TMEM108: variants seen among roughly 807,000 people sequenced by gnomAD.
The protein encoded by TMEM108 is transmembrane protein 108.
Under a neutral mutation model 35.1 loss-of-function variants are expected in TMEM108, and 12 were observed. The ratio of observed to expected loss-of-function variants is 0.34; its 90% CI spans 0.22 to 0.55. The LOEUF is 0.55. Ranked by LOEUF, TMEM108 falls within the 20% of genes least tolerant of loss-of-function variation. The pLI, the probability that TMEM108 is intolerant of heterozygous loss-of-function variation, is 0.89. For missense variants in TMEM108, 680 were observed against 753.3 expected (o/e 0.90, Z 1.14); for synonymous variants, 287 against 308.6 (o/e 0.93, Z 0.73).
At chr3:133,175,968 T>C (rs1183739093) in intron 2 of TMEM108, among the ~76,000 whole-genome samples, 3 of 152,052 alleles carry the variant, frequency 2.0e-5, no homozygotes, top group Non-Finnish European at 4.4e-5. Context: ...AATAAAGGGA[T>C]GGAGGAAGAT....
intron 2 of TMEM108, among the ~76,000 whole-genome samples, chr3:133,193,515 G>A (rs772625585): frequency 2.6e-5 from 4 of 152,116 alleles, no homozygotes; most frequent in Non-Finnish European, 4.4e-5. Flanking sequence ...TCATGGCTCT[G>A]CTTTATGACC....
Position 133,243,575 on chromosome 3 carries a change from G to C in TMEM108, c.40+14224G>C, listed in dbSNP as rs9832815. Among the ~76,000 whole-genome samples the C allele has an allele frequency of 2.7e-3, 414 of 152,012 alleles. 1 individual carries two copies. The highest frequency in any genetic ancestry group is 9.8e-3 in the South Asian group (47 of 4,796). On this transcript the variant is annotated intron_variant, in intron 3 of 5. Transcript: ENST00000321871. ...TCGTTCTGTCACCCAGGCTGGAGTA[G>C]AGTGGCGCGATCTCGGCTCACTGCA...
rs142633482 is a variant in TMEM108, at chr3:133,098,638, G to A, written c.-47+52618G>A. Among the ~76,000 whole-genome samples the A allele has an allele frequency of 2.7e-4, 41 of 152,316 alleles. No individual in the cohort carries two copies. In the East Asian group the frequency reaches 7.9e-3, roughly 29 times the overall value. On this transcript the variant is annotated intron_variant, in intron 2 of 5. Transcript: ENST00000321871. The stretch of plus-strand genomic sequence containing the variant: ...ACTTCCTAGATACAATGGGGGTACA[G>A]GTATTGGGTAAATATAGCCATTCCA...
At chr3:133,354,261 T>C (rs2072094331) in intron 3 of TMEM108, among the ~76,000 whole-genome samples, 1 of 152,204 alleles carries the variant, frequency 6.6e-6, no homozygotes, top group Non-Finnish European at 1.5e-5. Flanking sequence ...GAGAGCACGA[T>C]ATACACCACA....
chr3:133,181,243 C>T (rs979380643), intron 2 of TMEM108, among the ~76,000 whole-genome samples: 1 of 152,072 alleles, frequency 6.6e-6, no homozygotes, highest in Non-Finnish European at 1.5e-5. Flanking sequence ...ATCTATGAAC[C>T]ATCATCCTGT....
chr3:133,151,814 C>G (rs941463970), intron 2 of TMEM108, among the ~76,000 whole-genome samples: 3 of 152,062 alleles, frequency 2.0e-5, no homozygotes, highest in Non-Finnish European at 4.4e-5. Flanking sequence ...TATCTTGTCA[C>G]TTTAAATTAA....
chr3:133,282,549 C>T (rs922602480), intron 3 of TMEM108, among the ~76,000 whole-genome samples: 1 of 152,196 alleles, frequency 6.6e-6, no homozygotes, highest in Admixed American at 6.5e-5. Context: ...TTCAGCTTGT[C>T]ATTTTAATTC....
chr3:133,187,056 A>G (rs1040289913), intron 2 of TMEM108, among the ~76,000 whole-genome samples: 15 of 152,174 alleles, frequency 9.9e-5, no homozygotes, highest in African/African-American at 3.4e-4. Flanking sequence ...TAAGCCCTTC[A>G]CAGTTGTAAC....
At chr3:133,146,997 T>C (rs1345440348) in intron 2 of TMEM108, among the ~76,000 whole-genome samples, 1 of 152,186 alleles carries the variant, frequency 6.6e-6, no homozygotes, top group Non-Finnish European at 1.5e-5. Context: ...TCTTGTCTTC[T>C]GCTAGCATTT....
At chr3:133,169,923 G>A (rs1945104364) in intron 2 of TMEM108, among the ~76,000 whole-genome samples, 2 of 152,200 alleles carry the variant, frequency 1.3e-5, no homozygotes, top group African/African-American at 4.8e-5. Flanking sequence ...CAGCGCAGAT[G>A]CACTGGAAAC....
intron 2 of TMEM108, among the ~76,000 whole-genome samples, chr3:133,204,044 T>A (rs1945713331): frequency 6.6e-6 from 1 of 152,178 alleles, no homozygotes; most frequent in Non-Finnish European, 1.5e-5. Context: ...TGGCCAGGAA[T>A]GTATCCATTC....
Position 133,292,609 on chromosome 3 carries a change from C to T in TMEM108, c.40+63258C>T, listed in dbSNP as rs150399196. Among the ~76,000 whole-genome samples, 72 of 152,284 alleles carry T rather than the reference C, an allele frequency of 4.7e-4. No homozygotes were observed. In the East Asian group the frequency reaches 9.3e-3, roughly 20 times the overall value. ...GTGTTCTGCAATTAGGTGGTAGGCA[C>T]GTGTGGTTTTGTTTCAGAGCCTGCC... On this transcript the variant is annotated intron_variant, in intron 3 of 5. Coordinates refer to ENST00000321871, the MANE Select transcript of TMEM108 (RefSeq NM_023943.4).
At chr3:133,163,186 A>T (rs1221407605) in intron 2 of TMEM108, among the ~76,000 whole-genome samples, 1 of 152,174 alleles carries the variant, frequency 6.6e-6, no homozygotes, top group Non-Finnish European at 1.5e-5. Context: ...CTCAGAAAGC[A>T]GAGGACAGGT....
chr3:133,278,172 G>A (rs527310267), intron 3 of TMEM108, among the ~76,000 whole-genome samples: 126 of 152,336 alleles, frequency 8.3e-4, no homozygotes, highest in Middle Eastern at 3.4e-3. Context: ...TCAGACAAAT[G>A]ACCTCACAAG....
chr3:133,302,270 C>T (rs757620875), intron 3 of TMEM108, among the ~76,000 whole-genome samples: 6 of 152,118 alleles, frequency 3.9e-5, no homozygotes, highest in Non-Finnish European at 7.3e-5. Context: ...TGCATGCGTG[C>T]GCGTGCACGG....
intron 2 of TMEM108, among the ~76,000 whole-genome samples, chr3:133,226,366 GAT>G (rs1369706390): frequency 1.3e-5 from 2 of 152,214 alleles, no homozygotes; most frequent in African/African-American, 4.8e-5. Flanking sequence ...CTCTACAAGA[GAT>G]AGCTTTGCAG....
At chr3:133,193,362 G>A (rs1188323826) in intron 2 of TMEM108, among the ~76,000 whole-genome samples, 1 of 152,194 alleles carries the variant, frequency 6.6e-6, no homozygotes, top group East Asian at 1.9e-4. Flanking sequence ...TGAGGAGCCT[G>A]TGTGGTTACT....
At chr3:133,304,004 G>T (rs948042753) in intron 3 of TMEM108, among the ~76,000 whole-genome samples, 1 of 152,180 alleles carries the variant, frequency 6.6e-6, no homozygotes, top group African/African-American at 2.4e-5. Flanking sequence ...TTGAGATCCA[G>T]CTTCAACCCA....
At chr3:133,236,208 G>T (rs1946235056) in intron 3 of TMEM108, among the ~76,000 whole-genome samples, 1 of 152,060 alleles carries the variant, frequency 6.6e-6, no homozygotes, top group African/African-American at 2.4e-5. Context: ...TGTTACTCTA[G>T]TACACCCTGC....
Sources: gnomAD v4.1 joint callset for allele counts (sites outside exome capture counted in the v4.1 genomes callset) on GRCh38, gnomAD v4.1.1 for gene constraint, MANE v1.5 for transcripts, NCBI Gene and HGNC (gene_info 2026-07-23, HGNC 2026-07-21) for gene names.